Variants in ZBTB7C observed in about 807,000 individuals in gnomAD.
ZBTB7C encodes zinc finger and BTB domain-containing protein 7C.
In ZBTB7C, 8 loss-of-function variants were observed where a neutral mutation model predicts 25.7. The observed-to-expected ratio is 0.31, with a 90% CI of 0.18 to 0.56. The LOEUF (loss-of-function observed/expected upper bound fraction) is 0.56. Among genes scored for constraint, ZBTB7C ranks in the 20% least tolerant of loss-of-function variants. The pLI, the probability that ZBTB7C is intolerant of heterozygous loss-of-function variation, is 0.91. For missense variants in ZBTB7C, 824 were observed against 855.2 expected (o/e 0.96, Z 0.46); for synonymous variants, 394 against 369.0 (o/e 1.07, Z -0.78).
intron 2 of ZBTB7C, among the ~76,000 whole-genome samples, chr18:48,255,153 A>C (rs2043985499): frequency 6.6e-6 from 1 of 152,192 alleles, no homozygotes; most frequent in East Asian, 1.9e-4. Context: ...TAAAATTCAC[A>C]ATGTCTGACA....
At chr18:48,333,479 G>T (rs1255329175) in intron 2 of ZBTB7C, among the ~76,000 whole-genome samples, 2 of 152,158 alleles carry the variant, frequency 1.3e-5, no homozygotes, top group African/African-American at 4.8e-5. Context: ...CCATTTAATA[G>T]AGGAGAACAT....
In ZBTB7C at chr18:48,219,108, G is replaced by A. The variant is rs926119968; in HGVS notation, c.-78-33113C>T. On this transcript the variant is annotated intron_variant, in intron 2 of 4. Transcript: ENST00000590800. Reference sequence around the variant, plus strand: ...CCATCTGACCCTCAGGCCTGGGACTGGACTGAGGAATGCTGGGTAAAGCCT... The same window carrying A: ...CCATCTGACCCTCAGGCCTGGGACTAGACTGAGGAATGCTGGGTAAAGCCT... Among the ~76,000 whole-genome samples the A allele has an allele frequency of 3.3e-5, 5 of 152,184 alleles. No homozygotes were observed. In the South Asian group the frequency reaches 8.3e-4, roughly 25 times the overall value.
At chr18:48,134,154 G>A (rs935262970) in intron 3 of ZBTB7C, among the ~76,000 whole-genome samples, 3 of 149,948 alleles carry the variant, frequency 2.0e-5, no homozygotes, top group Non-Finnish European at 4.4e-5. Flanking sequence ...AGCAGAAGTC[G>A]GTAACAATTC....
At chr18:48,267,781 C>T (rs572747953) in intron 2 of ZBTB7C, among the ~76,000 whole-genome samples, 102 of 152,284 alleles carry the variant, frequency 6.7e-4, no homozygotes, top group African/African-American at 2.3e-3. Context: ...CCTTACACCA[C>T]GTGAGAACAC....
chr18:48,149,103 G>C (rs1016240289), intron 3 of ZBTB7C: 3 of 152,048 alleles, frequency 2.0e-5, no homozygotes, highest in Admixed American at 1.3e-4. Context: ...GTAGTAACAG[G>C]GATGGGGAAG....
At chr18:48,393,023 C>T (rs1172274532) in intron 1 of ZBTB7C, among the ~76,000 whole-genome samples, 1 of 152,226 alleles carries the variant, frequency 6.6e-6, no homozygotes, top group Non-Finnish European at 1.5e-5. Context: ...AAATTCGCTT[C>T]AGCACTGTCT....
chr18:48,359,514 C>T (rs1329281255), intron 1 of ZBTB7C, among the ~76,000 whole-genome samples: 2 of 152,106 alleles, frequency 1.3e-5, no homozygotes, highest in African/African-American at 4.8e-5. Flanking sequence ...ACAGACAGGC[C>T]AGATGTACGA....
At chr18:48,261,004 A>G (rs1233573222) in intron 2 of ZBTB7C, among the ~76,000 whole-genome samples, 1 of 152,244 alleles carries the variant, frequency 6.6e-6, no homozygotes, top group African/African-American at 2.4e-5. Flanking sequence ...CAAGGAAAAC[A>G]CTGAATTAAA....
chr18:48,344,264 G>T (rs574985025), intron 1 of ZBTB7C, among the ~76,000 whole-genome samples: 2 of 152,230 alleles, frequency 1.3e-5, no homozygotes, highest in African/African-American at 2.4e-5. Flanking sequence ...GATTATAGGC[G>T]TGAGCCACCA....
chr18:48,132,857 G>A (rs1176210902), intron 3 of ZBTB7C, among the ~76,000 whole-genome samples: 4 of 152,222 alleles, frequency 2.6e-5, no homozygotes, highest in Non-Finnish European at 5.9e-5. Flanking sequence ...CAATAGCCCT[G>A]CAGGTATGTG....
At chr18:48,402,881 T>C (rs2048193541) in intron 1 of ZBTB7C, among the ~76,000 whole-genome samples, 1 of 152,200 alleles carries the variant, frequency 6.6e-6, no homozygotes, top group African/African-American at 2.4e-5. Flanking sequence ...GCTTTAATAA[T>C]CAGAAAATAA....
At chr18:48,166,322 A>C (rs1448891123) in intron 3 of ZBTB7C, among the ~76,000 whole-genome samples, 2 of 152,114 alleles carry the variant, frequency 1.3e-5, no homozygotes, top group Admixed American at 1.3e-4. Flanking sequence ...TTATTTGTTT[A>C]TTTTGGGAGA....
intron 1 of ZBTB7C, among the ~76,000 whole-genome samples, chr18:48,395,283 G>C (rs1302193066): frequency 3.3e-5 from 2 of 60,174 alleles, no homozygotes; most frequent in African/African-American, 9.0e-5. Flanking sequence ...GTGTGTGTGT[G>C]TGTGTGTGTG....
chr18:48,392,131 C>T (rs1268024266), intron 1 of ZBTB7C, among the ~76,000 whole-genome samples: 1 of 152,190 alleles, frequency 6.6e-6, no homozygotes, highest in East Asian at 1.9e-4. Context: ...AAGTAAGAAT[C>T]CCAGCAGGGT....
At chr18:48,151,305 C>T (rs1248017828) in intron 3 of ZBTB7C, among the ~76,000 whole-genome samples, 4 of 152,160 alleles carry the variant, frequency 2.6e-5, no homozygotes, top group Non-Finnish European at 4.4e-5. Context: ...GGACCTTTTC[C>T]GTATTATAGC....
upstream of ZBTB7C, among the ~76,000 whole-genome samples, chr18:48,410,253 C>G (rs2048368460): frequency 6.6e-6 from 1 of 151,998 alleles, no homozygotes; most frequent in Admixed American, 6.5e-5. Flanking sequence ...CGAATCTCAG[C>G]GGGCAATCGC....
chr18:48,030,390 C>T (rs879270647), intron 4 of ZBTB7C, among the ~76,000 whole-genome samples: 5 of 152,178 alleles, frequency 3.3e-5, no homozygotes, highest in African/African-American at 1.2e-4. Flanking sequence ...CCCATCCCAG[C>T]CCCCGGGCTA....
intron 1 of ZBTB7C, among the ~76,000 whole-genome samples, chr18:48,389,044 A>T (rs1160412843): frequency 6.6e-6 from 1 of 151,978 alleles, no homozygotes; most frequent in Non-Finnish European, 1.5e-5. Context: ...CTGCAGCCCA[A>T]CCCTTCTGAG....
intron 2 of ZBTB7C, among the ~76,000 whole-genome samples, chr18:48,279,390 T>C (rs564101541): frequency 2.2e-4 from 34 of 152,328 alleles, no homozygotes; most frequent in African/African-American, 7.5e-4. Flanking sequence ...GCCATGCTTA[T>C]TCACACAAAG....
Sources: gnomAD v4.1 joint callset for allele counts (sites outside exome capture counted in the v4.1 genomes callset) on GRCh38, gnomAD v4.1.1 for gene constraint, MANE v1.5 for transcripts, NCBI Gene and HGNC (gene_info 2026-07-23, HGNC 2026-07-21) for gene names.